NRBP2: variants seen among roughly 807,000 people sequenced by gnomAD.
NRBP2 encodes the protein nuclear receptor-binding protein 2.
NRBP2 carries 47 observed loss-of-function variants against 74.4 expected under a neutral mutation model. That is an observed-to-expected ratio of 0.63 (90% CI 0.50 to 0.81). The LOEUF (loss-of-function observed/expected upper bound fraction) is 0.81. NRBP2 is among the 30% of genes least tolerant of loss of function. The pLI, the probability that NRBP2 is intolerant of heterozygous loss-of-function variation, is 0.00. For synonymous variants in NRBP2, 312 were observed against 273.8 expected (o/e 1.14, Z -1.38); for missense variants, 613 against 690.1 (o/e 0.89, Z 1.25).
At chr8:143,831,303 C>G (rs1343614834), downstream of NRBP2, among the ~76,000 whole-genome samples, 1 of 152,242 alleles carries the variant, frequency 6.6e-6, no homozygotes, top group Non-Finnish European at 1.5e-5. Context: ...TTCTTGCCAC[C>G]ACCATGACTG....
rs1008161900 is a variant in NRBP2, at chr8:143,834,310, T to C, written c.*1352A>G. The C allele has an allele frequency of 2.0e-5, 3 of 152,196 alleles. No homozygotes were observed. Among genetic ancestry groups the C allele is most frequent in the African/African-American group, 2.4e-5 (1 of 41,444 alleles). The allele number at this position is 152,196 out of a possible 1,614,324, so 9.4% of individuals were successfully genotyped here. A position where few individuals can be genotyped will look rare whatever the true frequency, so the allele number is the denominator to read the frequency against. Reference sequence around the variant, plus strand: ...GAGGAGGGGGCCAAGAGCCAAGGAATGTAGGCAGCCTCTACAAGCTGGAAG... The same window carrying C: ...GAGGAGGGGGCCAAGAGCCAAGGAACGTAGGCAGCCTCTACAAGCTGGAAG... On this transcript the variant is annotated 3_prime_UTR_variant, in exon 18 of 18. Transcript: ENST00000442628.
rs1554651417 is a variant in NRBP2, at chr8:143,835,795, G to A, written c.1437+25C>T. On this transcript the variant is annotated intron_variant, in intron 17 of 17. Transcript: ENST00000442628. This position sits in a 1 kb window ranked among gnomAD's most constrained non-coding sequence, Gnocchi z 4.9. ...CCTGCCCCGTGCGCCCCCTCCGCCA[G>A]GCCGCGCCGCACCGCCCAGCGCACC... The A allele has an allele frequency of 6.2e-7, 1 of 1,601,742 alleles. No individual in the cohort carries two copies. Among genetic ancestry groups the A allele is most frequent in the Non-Finnish European group, 8.5e-7 (1 of 1,174,698 alleles).
At chr8:143,832,151 G>T (rs557210851), downstream of NRBP2, among the ~76,000 whole-genome samples, 3 of 152,122 alleles carry the variant, frequency 2.0e-5, no homozygotes, top group African/African-American at 4.8e-5. Context: ...AACATGTGCT[G>T]TGTCAACTCA....
At chr8:143,832,883 CTTT>C (rs1818213187), downstream of NRBP2, among the ~76,000 whole-genome samples, 1 of 152,216 alleles carries the variant, frequency 6.6e-6, no homozygotes, top group Non-Finnish European at 1.5e-5. Context: ...GTCTCTGTGT[CTTT>C]TTCTTTCCTA....
chr8:143,836,041 G>T lies in NRBP2; in HGVS notation c.1318-11C>A. The stretch of plus-strand genomic sequence containing the variant: ...CAGAAGCAGAGTGAGCTGGGGAGGC[G>T]GCGGGGCGTGGTCGGCTGGGGGTTC... On this transcript the variant is annotated splice_polypyrimidine_tract_variant and intron_variant, in intron 15 of 17. Coordinates refer to ENST00000442628, the MANE Select transcript of NRBP2 (RefSeq NM_178564.4). 1 of 1,562,518 alleles carries T rather than the reference G, an allele frequency of 6.4e-7. No homozygotes were observed. Among genetic ancestry groups the T allele is most frequent in the Non-Finnish European group, 8.6e-7 (1 of 1,156,618 alleles).
At position 143,835,703 on chromosome 8, in the gene NRBP2, G is replaced by C. The variant is rs781997330; in HGVS notation, c.1465C>G (p.Leu489Val). The change falls in exon 18 of 18, where the codon CTG (leucine) becomes GTG (valine). Residue 489 changes from leucine (L) to valine (V), a missense_variant. Coordinates refer to ENST00000442628, the MANE Select transcript of NRBP2 (RefSeq NM_178564.4). The surrounding 1 kb of genome is among the most constrained non-coding windows in gnomAD (Gnocchi z 4.9). ...CGGTACTTGAGGAAGGTGCTCTCCA[G>C]GAAGGCGGCCAGCTTCATCCGGTCG... is the stretch of plus-strand genomic sequence containing the variant. ...EDDRMKLAAF[L>V]ESTFLKYRGT... is the part of the protein sequence containing the mutation. 2 of 1,601,140 alleles carry C rather than the reference G, an allele frequency of 1.2e-6. No homozygotes were observed. Among genetic ancestry groups the C allele is most frequent in the Non-Finnish European group, 1.7e-6 (2 of 1,174,984 alleles).
In NRBP2 at chr8:143,835,678, C is replaced by T. The variant is rs528651407; in HGVS notation, c.1490G>A (p.Arg497His). The change falls in exon 18 of 18, where the codon CGT becomes CAT. Residue 497 changes from arginine (R) to histidine (H), a missense_variant. By Grantham distance (29) the Arg-to-His change is conservative (BLOSUM62 0). Around this residue, in one of 2 missense-constraint regions of NRBP2, gnomAD observed 281 missense variants for 260.9 expected, o/e 1.08. Transcript: ENST00000442628. The surrounding 1 kb of genome is among the most constrained non-coding windows in gnomAD (Gnocchi z 4.9). ...GGCTCCGGGTCAGGCCTGGGTCCCACGGTACTTGAGGAAGGTGCTCTCCAG... is the reference window on the plus strand; with the variant it reads ...GGCTCCGGGTCAGGCCTGGGTCCCATGGTACTTGAGGAAGGTGCTCTCCAG... ...AFLESTFLKY[R>H]GTQA The T allele has an allele frequency of 3.3e-5, 52 of 1,595,854 alleles. No individual in the cohort carries two copies. Among genetic ancestry groups the T allele is most frequent in the African/African-American group, 4.0e-5 (3 of 74,156 alleles).
In NRBP2 at chr8:143,835,508, A is replaced by C; in HGVS notation, c.*154T>G. On this transcript the variant is annotated 3_prime_UTR_variant, in exon 18 of 18. Transcript: ENST00000442628. The surrounding 1 kb of genome is among the most constrained non-coding windows in gnomAD (Gnocchi z 4.9). The stretch of plus-strand genomic sequence containing the variant: ...ACCCCTCGGCGCCCAAGGCAGGGTC[A>C]GCCCCACTCTCAGGAGACGGGGGGT... 1.5e-6 allele frequency: 1 copy of C among 687,452 alleles called. No homozygotes were observed. Among genetic ancestry groups the C allele is most frequent in the East Asian group, 2.9e-5 (1 of 34,704 alleles). The allele number at this position is 687,452 out of a possible 1,614,324, so 42.6% of individuals were successfully genotyped here.
Position 143,839,151 on chromosome 8 carries a change from C to G in NRBP2, c.604+21G>C. 2 of 1,517,512 alleles carry G rather than the reference C, an allele frequency of 1.3e-6. No homozygotes were observed. The highest frequency in any genetic ancestry group is 2.5e-5 in the South Asian group (2 of 81,232). 94.0% of individuals were successfully genotyped at this position (1,517,512 alleles called of 1,614,324 possible). A position where few individuals can be genotyped will look rare whatever the true frequency, so the allele number is the denominator to read the frequency against. ...GGCGGGGACCTCTCCAGGACCCCGT[C>G]CCCCCAAAGTCCGCACTTACCATTG... On this transcript the variant is annotated intron_variant, in intron 7 of 17. Coordinates refer to ENST00000442628, the MANE Select transcript of NRBP2 (RefSeq NM_178564.4). The surrounding 1 kb of genome is among the most constrained non-coding windows in gnomAD (Gnocchi z 5.1).
At position 143,840,236 on chromosome 8, in the gene NRBP2, G is replaced by A. The variant is rs972021284; in HGVS notation, c.130-7C>T. The A allele has an allele frequency of 8.5e-6, 13 of 1,535,824 alleles. No individual in the cohort carries two copies. The Admixed American group carries it at 1.2e-4, about 14-fold the overall frequency. ...GCATGTTCCCTTGGTTTACCTGGGG[G>A]TGAATAAAGGGTTATGTGTGCCCTG... On this transcript the variant is annotated splice_polypyrimidine_tract_variant and splice_region_variant and intron_variant, in intron 1 of 17. Coordinates refer to ENST00000442628, the MANE Select transcript of NRBP2 (RefSeq NM_178564.4). This position sits in a 1 kb window ranked among gnomAD's most constrained non-coding sequence, Gnocchi z 5.7.
rs1818656731 is a variant in NRBP2, at chr8:143,840,701, C to T, written c.129+5G>A. ...GTCACCCCGTGCCCCAACCCCCGCG[C>T]CCACCTGCTCCCGTCGCTTTTGCCA... On this transcript the variant is annotated splice_donor_5th_base_variant and intron_variant, in intron 1 of 17. Coordinates refer to ENST00000442628, the MANE Select transcript of NRBP2 (RefSeq NM_178564.4). This position sits in a 1 kb window ranked among gnomAD's most constrained non-coding sequence, Gnocchi z 5.7. The T allele has an allele frequency of 2.7e-6, 4 of 1,484,108 alleles. No homozygotes were observed. Among genetic ancestry groups the T allele is most frequent in the Non-Finnish European group, 3.6e-6 (4 of 1,119,718 alleles). 91.9% of individuals were successfully genotyped at this position (1,484,108 alleles called of 1,614,324 possible).
intron 15 of NRBP2, 45 bp from the exon 16 acceptor site, chr8:143,836,075 GCCA>G: frequency 6.3e-7 from 1 of 1,580,508 alleles, no homozygotes; most frequent in Non-Finnish European, 8.6e-7. Flanking sequence ...TCAGGGCTCC[GCCA>G]CGCTCCCGCC....
chr8:143,832,132 G>C (rs577031044), downstream of NRBP2, among the ~76,000 whole-genome samples: 3 of 152,264 alleles, frequency 2.0e-5, no homozygotes, highest in South Asian at 6.2e-4. Context: ...CCAACCCCGT[G>C]CTCTCTGAAA....
rs1460290208 is a variant in NRBP2, at chr8:143,837,832, CCT to C, written c.841-79_841-78del. 3.3e-5 allele frequency: 50 copies of C among 1,518,900 alleles called. No homozygotes were observed. The highest frequency in any genetic ancestry group is 1.7e-4 in the Middle Eastern group (1 of 5,946). The allele number at this position is 1,518,900 out of a possible 1,614,324, so 94.1% of individuals were successfully genotyped here. Reference sequence around the variant, plus strand: ...CCCCGCAGTTCGAGGAGAGGTGGCCCCTGAGTTCCCCATGTCCCTCCTCAGGG... The same window carrying C: ...CCCCGCAGTTCGAGGAGAGGTGGCCCGAGTTCCCCATGTCCCTCCTCAGGG... On this transcript the variant is annotated intron_variant, in intron 10 of 17. Transcript: ENST00000442628. This position sits in a 1 kb window ranked among gnomAD's most constrained non-coding sequence, Gnocchi z 4.3.
intron 14 of NRBP2, 25 bp from the exon 15 acceptor site, chr8:143,836,205 C>A (rs1196161941): frequency 6.6e-7 from 1 of 1,519,704 alleles, no homozygotes; most frequent in Non-Finnish European, 8.8e-7. Flanking sequence ...GGCTGGGACT[C>A]ACAAACCCAG....
rs1220144800 is a variant in NRBP2, at chr8:143,840,283, G to A, written c.130-54C>T. The A allele has an allele frequency of 6.5e-7, 1 of 1,530,852 alleles. No individual in the cohort carries two copies. The allele number at this position is 1,530,852 out of a possible 1,614,324, so 94.8% of individuals were successfully genotyped here. A position where few individuals can be genotyped will look rare whatever the true frequency, so the allele number is the denominator to read the frequency against. On this transcript the variant is annotated intron_variant, in intron 1 of 17. Coordinates refer to ENST00000442628, the MANE Select transcript of NRBP2 (RefSeq NM_178564.4). The surrounding 1 kb of genome is among the most constrained non-coding windows in gnomAD (Gnocchi z 5.7). ...CCTGGTGTGTGTCAGGGTTGTGGGT[G>A]AGGATTTGGTCCCTGTCCACACCTT...
At position 143,835,998 on chromosome 8, in the gene NRBP2, C is replaced by T. The variant is rs782473471; in HGVS notation, c.1350G>A (p.Leu450=). Residue 450 remains leucine (L), a synonymous_variant, in exon 16 of 18, where the codon CTG becomes CTA. Transcript: ENST00000442628. This position sits in a 1 kb window ranked among gnomAD's most constrained non-coding sequence, Gnocchi z 4.9. ...LTLLLVLEDR[L]HRQLTYDLLP... ...GCAGGTCGTAGGTCAGCTGCCGGTG[C>T]AGCCGGTCTTCCAGCACCAGAAGCA... 1.8e-5 allele frequency: 29 copies of T among 1,578,134 alleles called. No homozygotes were observed. Among genetic ancestry groups the T allele is most frequent in the Admixed American group, 1.1e-4 (6 of 56,756 alleles).
chr8:143,830,135 C>A (rs1036850171), downstream of NRBP2, among the ~76,000 whole-genome samples: 1 of 152,252 alleles, frequency 6.6e-6, no homozygotes, highest in East Asian at 1.9e-4. Context: ...ACAGACACTT[C>A]TACTTAAATA....
Position 143,835,644 on chromosome 8 carries a change from T to G in NRBP2, c.*18A>C. ...CAGGCAGCACCCCGGCATGGTCCCC[T>G]GGGGCTGGGGCTCCGGGTCAGGCCT... On this transcript the variant is annotated 3_prime_UTR_variant, in exon 18 of 18. Transcript: ENST00000442628. The surrounding 1 kb of genome is among the most constrained non-coding windows in gnomAD (Gnocchi z 4.9). The G allele has an allele frequency of 6.4e-7, 1 of 1,561,182 alleles. No homozygotes were observed. The highest frequency in any genetic ancestry group is 2.3e-5 in the East Asian group (1 of 44,134).
Sources: gnomAD v4.1 joint callset for allele counts (sites outside exome capture counted in the v4.1 genomes callset) on GRCh38, gnomAD v4.1.1 for gene constraint, gnomAD v4.1.1 regional missense constraint, Gnocchi (gnomAD v3.1) non-coding constraint, MANE v1.5 for transcripts, NCBI Gene and HGNC (gene_info 2026-07-23, HGNC 2026-07-21) for gene names.